RPL35: variants seen among roughly 807,000 people sequenced by gnomAD.
The protein encoded by RPL35 is large ribosomal subunit protein uL29.
Under a neutral mutation model 15.6 loss-of-function variants are expected in RPL35, and 2 were observed. The observed-to-expected ratio is 0.13, with a 90% CI of 0.05 to 0.40. The LOEUF (loss-of-function observed/expected upper bound fraction) is 0.40, where lower values mean the gene tolerates loss of function less well. RPL35 is among the 10% of genes least tolerant of loss of function. The pLI, the probability that RPL35 is intolerant of heterozygous loss-of-function variation, is 0.99. For synonymous variants in RPL35, 93 were observed against 67.9 expected, an observed-to-expected ratio of 1.37 and a Z score of -1.82; for missense variants, 111 against 164.7, an observed-to-expected ratio of 0.67 and a Z score of 1.79.
chr9:124,860,521 T>A (rs1419440394), intron 2 of RPL35, among the ~76,000 whole-genome samples: 1 of 152,152 alleles, frequency 6.6e-6, no homozygotes, highest in East Asian at 1.9e-4. Context: ...GAACACGAAT[T>A]TATCCTGAGG....
At chr9:124,861,865 C>CG in intron 1 of RPL35, 45 bp downstream of exon 1, 1 of 1,600,118 alleles carries the variant, frequency 6.2e-7, no homozygotes. Flanking sequence ...CCCCAACCCC[C>CG]GCGCCTCACA....
chr9:124,858,202 AT>A, intron 3 of RPL35, 135 bp from the exon 4 acceptor site: 1 of 4,642 alleles, frequency 2.2e-4, no homozygotes, highest in Non-Finnish European at 0.017. Context: ...CAGGCCACAC[AT>A]GTCACTAACT....
At chr9:124,858,238 C>A in intron 3 of RPL35, 171 bp from the exon 4 acceptor site, 1 of 645,620 alleles carries the variant, frequency 1.5e-6, no homozygotes, top group South Asian at 1.9e-5. Flanking sequence ...AAATCTAAGG[C>A]TGGTGGGACC....
At position 124,861,366 on chromosome 9, in the gene RPL35, G is replaced by A. The variant is rs367949473; in HGVS notation, c.140+53C>T. The A allele has an allele frequency of 1.9e-6, 3 of 1,570,122 alleles. No individual in the cohort carries two copies. In the African/African-American group the frequency reaches 4.1e-5, roughly 21 times the overall value. ...AACTTTGAAATCCTCCGACGATCCC[G>A]ATGCACACGTGCTCCCCACCCACGA... On this transcript the variant is annotated intron_variant, in intron 2 of 3. Coordinates refer to ENST00000348462, the MANE Select transcript of RPL35 (RefSeq NM_007209.4).
Position 124,858,015 on chromosome 9 carries a change from C to T in RPL35, c.275G>A (p.Arg92His), listed in dbSNP as rs941598782. 6.2e-7 allele frequency: 1 copy of T among 1,612,220 alleles called. No individual in the cohort carries two copies. The highest frequency in any genetic ancestry group is 8.5e-7 in the Non-Finnish European group (1 of 1,180,034). Residue 92 changes from arginine (R) to histidine (H), a missense_variant, in exon 4 of 4, where the codon CGC becomes CAC. Transcript: ENST00000348462. ...DLRPKKTRAM[R>H]RRLNKHEENL... ...CTCCTCGTGCTTGTTGAGCCGGCGGCGCATGGCACGTGTCTTCTTAGGCCG... is the reference window on the plus strand; with the variant it reads ...CTCCTCGTGCTTGTTGAGCCGGCGGTGCATGGCACGTGTCTTCTTAGGCCG...
At chr9:124,861,585 A>C in intron 1 of RPL35, 30 bp from the exon 2 acceptor site, 1 of 1,610,370 alleles carries the variant, frequency 6.2e-7, no homozygotes, top group Non-Finnish European at 8.5e-7. Context: ...TGCCTCAGCC[A>C]GGCCGCGGGG....
intron 1 of RPL35, 148 bp from the exon 2 acceptor site, chr9:124,861,703 C>G: frequency 7.4e-7 from 1 of 1,360,074 alleles, no homozygotes; most frequent in Non-Finnish European, 9.9e-7. Context: ...CCCTCGCCGG[C>G]CGTGCCTTGG....
At chr9:124,858,144 G>A (rs903151793) in intron 3 of RPL35, 77 bp from the exon 4 acceptor site, 6 of 1,506,698 alleles carry the variant, frequency 4.0e-6, no homozygotes, top group Admixed American at 3.9e-5. Context: ...GGCTGGGGAG[G>A]GCCATCCAGA....
At chr9:124,861,232 G>A in intron 2 of RPL35, 187 bp downstream of exon 2, 1 of 703,244 alleles carries the variant, frequency 1.4e-6, no homozygotes, top group African/African-American at 1.8e-5. Flanking sequence ...ATGCATTCCA[G>A]GCACAAGGAC....
At chr9:124,858,532 T>A (rs1201185912) in intron 3 of RPL35, 1 of 715,606 alleles carries the variant, frequency 1.4e-6, no homozygotes, top group Non-Finnish European at 2.6e-6. Flanking sequence ...GCCCACCAGC[T>A]GCTGCCTGTA....
At position 124,861,916 on chromosome 9, in the gene RPL35, T is replaced by C. The variant is rs201020859; in HGVS notation, c.-4A>G. 5.6e-6 allele frequency: 9 copies of C among 1,598,904 alleles called. No homozygotes were observed. The African/African-American group carries it at 8.1e-5, about 14-fold the overall frequency. On this transcript the variant is annotated 5_prime_UTR_variant, in exon 1 of 4. Transcript: ENST00000348462. ...CCGATTCCGCAGCTCTCACCATTGC[T>C]GCACAAGCCGCCAACGCCGCCGCCC...
chr9:124,860,359 C>T (rs536017958), intron 2 of RPL35, 95 bp from the exon 3 acceptor site: 19 of 965,538 alleles, frequency 2.0e-5, no homozygotes, highest in Non-Finnish European at 3.2e-5. Context: ...TGCAGCCTCC[C>T]CCATCAACCC....
At chr9:124,859,879 T>A (rs1829169442) in intron 3 of RPL35, among the ~76,000 whole-genome samples, 1 of 152,084 alleles carries the variant, frequency 6.6e-6, no homozygotes, top group African/African-American at 2.4e-5. Context: ...AGTGAAAACC[T>A]TCAACAGCCA....
At chr9:124,858,435 G>C (rs1588036190) in intron 3 of RPL35, 1 of 713,052 alleles carries the variant, frequency 1.4e-6, no homozygotes, top group African/African-American at 1.7e-5. Flanking sequence ...CACCCACCAA[G>C]CCCCGGGGGT....
At chr9:124,860,703 T>G (rs1015200564) in intron 2 of RPL35, among the ~76,000 whole-genome samples, 1 of 152,224 alleles carries the variant, frequency 6.6e-6, no homozygotes, top group Non-Finnish European at 1.5e-5. Flanking sequence ...GAGAAGTTAT[T>G]TGTAGTCATG....
chr9:124,861,797 C>T, intron 1 of RPL35, 113 bp downstream of exon 1: 3 of 1,420,506 alleles, frequency 2.1e-6, no homozygotes, highest in Non-Finnish European at 1.9e-6. Flanking sequence ...CCATTCTGCG[C>T]GGCGCCCCAC....
At position 124,861,942 on chromosome 9, in the gene RPL35, G is replaced by T. The variant is rs543976879; in HGVS notation, c.-30C>A. 6.3e-7 allele frequency: 1 copy of T among 1,597,222 alleles called. No individual in the cohort carries two copies. Among genetic ancestry groups the T allele is most frequent in the South Asian group, 1.1e-5 (1 of 88,934 alleles). ...GCACAAGCCGCCAACGCCGCCGCCC[G>T]CTCCGAGGGAAAGAGGAAGTAGGCG... On this transcript the variant is annotated 5_prime_UTR_variant, in exon 1 of 4. Transcript: ENST00000348462.
At chr9:124,861,265 G>A (rs1829192531) in intron 2 of RPL35, 154 bp downstream of exon 2, 10 of 934,650 alleles carry the variant, frequency 1.1e-5, no homozygotes, top group Middle Eastern at 3.5e-4. Flanking sequence ...GCAGGTAAGA[G>A]GCTAAGCACA....
intron 3 of RPL35, chr9:124,858,604 TG>T (rs1829146052): frequency 1.5e-6 from 1 of 682,572 alleles, no homozygotes. Context: ...CTTCCGGCTT[TG>T]GGGCCCCTGC....
Sources: allele counts gnomAD v4.1 joint callset (sites outside exome capture counted in the v4.1 genomes callset), GRCh38; gene constraint gnomAD v4.1.1; transcripts MANE v1.5; gene names NCBI Gene and HGNC (gene_info 2026-07-23, HGNC 2026-07-21).